The following PPARGC1A variants were observed in gnomAD, a reference collection of about 807,000 sequenced individuals.
The protein encoded by PPARGC1A is peroxisome proliferator-activated receptor gamma coactivator 1-alpha.
A neutral mutation model predicts 88.7 loss-of-function variants in PPARGC1A; 25 were observed. The ratio of observed to expected loss-of-function variants is 0.28; its 90% CI spans 0.21 to 0.39. The LOEUF (loss-of-function observed/expected upper bound fraction) is 0.39. Among genes scored for constraint, PPARGC1A ranks in the 10% least tolerant of loss-of-function variants. PPARGC1A has a pLI of 1.00. For synonymous variants in PPARGC1A, 363 were observed against 355.6 expected (o/e 1.02, Z -0.24); for missense variants, 880 against 968.7 (o/e 0.91, Z 1.22).
At chr4:24,031,881 C>A in the PPARGC1A span, among the ~76,000 whole-genome samples, 1 of 152,188 alleles carries the variant, frequency 6.6e-6, no homozygotes, top group Non-Finnish European at 1.5e-5. Flanking sequence ...TGACCTTGGA[C>A]ATCATCCAGT....
chr4:24,334,926 G>A, the PPARGC1A span, among the ~76,000 whole-genome samples: 3 of 152,146 alleles, frequency 2.0e-5, no homozygotes, highest in Non-Finnish European at 4.4e-5. Context: ...TTTTTGGTAT[G>A]CTATGAACAC....
At chr4:23,872,287 C>G (rs1376749024) in intron 2 of PPARGC1A, among the ~76,000 whole-genome samples, 2 of 152,208 alleles carry the variant, frequency 1.3e-5, no homozygotes, top group Non-Finnish European at 2.9e-5. Context: ...CGGTCTTGCT[C>G]TCTTCCCTTG....
chr4:24,018,586 T>C, the PPARGC1A span, among the ~76,000 whole-genome samples: 1 of 152,170 alleles, frequency 6.6e-6, no homozygotes, highest in Non-Finnish European at 1.5e-5. Flanking sequence ...TGTCAGTATG[T>C]CTTCTAATAA....
At chr4:24,167,788 C>G in the PPARGC1A span, among the ~76,000 whole-genome samples, 2 of 152,210 alleles carry the variant, frequency 1.3e-5, no homozygotes, top group African/African-American at 4.8e-5. Context: ...GAGTCTCACT[C>G]TGTCACCCAG....
chr4:23,838,752 T>A (rs1194323883), intron 2 of PPARGC1A, among the ~76,000 whole-genome samples: 3 of 152,168 alleles, frequency 2.0e-5, no homozygotes, highest in Non-Finnish European at 4.4e-5. Flanking sequence ...CCCATGGGCA[T>A]ACAGGCTACT....
At chr4:23,854,976 A>C (rs946237431) in intron 2 of PPARGC1A, among the ~76,000 whole-genome samples, 4 of 152,188 alleles carry the variant, frequency 2.6e-5, no homozygotes, top group African/African-American at 7.2e-5. Context: ...TGTAGCTCCT[A>C]TAATTCCCAC....
chr4:24,263,493 C>A, the PPARGC1A span, among the ~76,000 whole-genome samples: 1 of 146,096 alleles, frequency 6.8e-6, no homozygotes, highest in African/African-American at 2.7e-5. Context: ...ACAGAGTTGA[C>A]CCTTTAACAG....
chr4:24,095,463 G>C, the PPARGC1A span, among the ~76,000 whole-genome samples: 1 of 152,206 alleles, frequency 6.6e-6, no homozygotes, highest in South Asian at 2.1e-4. Flanking sequence ...ACTGAAATGA[G>C]GTCATTAGGG....
At chr4:24,147,473 C>A in the PPARGC1A span, among the ~76,000 whole-genome samples, 1 of 152,162 alleles carries the variant, frequency 6.6e-6, no homozygotes, top group Non-Finnish European at 1.5e-5. Context: ...CCGGGCATAG[C>A]TTATTGTCTG....
At chr4:23,930,075 A>G in the PPARGC1A span, among the ~76,000 whole-genome samples, 2 of 152,320 alleles carry the variant, frequency 1.3e-5, no homozygotes, top group South Asian at 4.1e-4. Flanking sequence ...ATATTTTAGC[A>G]TCCTTGACAT....
the PPARGC1A span, among the ~76,000 whole-genome samples, chr4:24,302,216 T>C: frequency 1.3e-5 from 2 of 152,218 alleles, no homozygotes; most frequent in South Asian, 4.1e-4. Flanking sequence ...TGATGTTGTA[T>C]AAAAGGTTTG....
At chr4:24,291,113 T>C in the PPARGC1A span, among the ~76,000 whole-genome samples, 5 of 152,262 alleles carry the variant, frequency 3.3e-5, no homozygotes, top group South Asian at 1.0e-3. Flanking sequence ...TTTCCTGATC[T>C]CCAATCTCGC....
intron 2 of PPARGC1A, among the ~76,000 whole-genome samples, chr4:23,867,410 A>G (rs768977004): frequency 6.6e-6 from 1 of 152,232 alleles, no homozygotes; most frequent in African/African-American, 2.4e-5. Flanking sequence ...TTTAAGAATG[A>G]ATGAAATCAG....
At chr4:23,878,348 T>TAAA (rs61188993) in intron 2 of PPARGC1A, among the ~76,000 whole-genome samples, 1 of 99,000 alleles carries the variant, frequency 1.0e-5, no homozygotes, top group Non-Finnish European at 2.2e-5. Flanking sequence ...TCAACGTCCA[T>TAAA]AAAAAAAAAA....
chr4:24,205,673 G>A, the PPARGC1A span, among the ~76,000 whole-genome samples: 2 of 152,212 alleles, frequency 1.3e-5, no homozygotes, highest in East Asian at 3.9e-4. Flanking sequence ...CTTCCAACCT[G>A]AACAGGAGGG....
At chr4:24,301,320 T>G in the PPARGC1A span, among the ~76,000 whole-genome samples, 1 of 152,168 alleles carries the variant, frequency 6.6e-6, no homozygotes, top group African/African-American at 2.4e-5. Context: ...TTCATGTTGA[T>G]GAGAATTGAA....
the PPARGC1A span, among the ~76,000 whole-genome samples, chr4:24,170,867 G>C: frequency 3.9e-5 from 6 of 152,108 alleles, no homozygotes; most frequent in Admixed American, 1.3e-4. Context: ...TATTCCAAAG[G>C]CGTCATTGCC....
At chr4:24,311,343 C>T in the PPARGC1A span, among the ~76,000 whole-genome samples, 4 of 147,270 alleles carry the variant, frequency 2.7e-5, no homozygotes, top group Admixed American at 6.7e-5. Context: ...CCTCATGATC[C>T]GCCCGCCTCT....
the PPARGC1A span, among the ~76,000 whole-genome samples, chr4:24,152,339 A>G: frequency 8.5e-5 from 13 of 152,190 alleles, no homozygotes; most frequent in Admixed American, 8.5e-4. Flanking sequence ...TCATGCAAAC[A>G]TTTATGGAAC....
Sources: allele counts gnomAD v4.1 joint callset (sites outside exome capture counted in the v4.1 genomes callset), GRCh38; gene constraint gnomAD v4.1.1; transcripts MANE v1.5; gene names NCBI Gene and HGNC (gene_info 2026-07-23, HGNC 2026-07-21).